PYY: variants seen among roughly 807,000 people sequenced by gnomAD.
PYY encodes peptide YY.
A neutral mutation model predicts 10.3 loss-of-function variants in PYY; 12 were observed. The observed-to-expected ratio is 1.17, with a 90% CI of 0.75 to 1.89. PYY has a LOEUF of 1.89. Among genes scored for constraint, PYY ranks in the 40% most tolerant of loss-of-function variants. The probability of loss-of-function intolerance (pLI) is 0.00; values close to 1 mark genes in which losing one functional copy is unlikely to be tolerated. For synonymous variants in PYY, 66 were observed against 62.0 expected, an observed-to-expected ratio of 1.06 and a Z score of -0.30; for missense variants, 141 against 134.0, an observed-to-expected ratio of 1.05 and a Z score of -0.26.
intron 1 of PYY, among the ~76,000 whole-genome samples, chr17:43,982,095 T>A (rs1001409442): frequency 3.3e-5 from 5 of 152,208 alleles, no homozygotes; most frequent in African/African-American, 2.4e-5. Flanking sequence ...TTCTTAGCTC[T>A]GCGCAGCTCT....
At chr17:44,000,534 C>T (rs376726601) in intron 1 of PYY, among the ~76,000 whole-genome samples, 2 of 149,760 alleles carry the variant, frequency 1.3e-5, no homozygotes, top group South Asian at 2.1e-4. Flanking sequence ...ATGACACAGT[C>T]GCTGAGAATG....
chr17:43,992,379 G>A (rs995827899), intron 1 of PYY, among the ~76,000 whole-genome samples: 1 of 151,994 alleles, frequency 6.6e-6, no homozygotes, highest in Non-Finnish European at 1.5e-5. Flanking sequence ...TCAGGAGCTC[G>A]AGACCAGCTT....
At chr17:43,992,125 A>G (rs1370451445) in intron 1 of PYY, among the ~76,000 whole-genome samples, 4 of 150,508 alleles carry the variant, frequency 2.7e-5, no homozygotes, top group African/African-American at 9.8e-5. Flanking sequence ...GTCTCAAAGA[A>G]AAAAAAAAAA....
chr17:43,999,210 G>A (rs533543826), intron 1 of PYY, among the ~76,000 whole-genome samples: 3 of 152,090 alleles, frequency 2.0e-5, no homozygotes, highest in Admixed American at 6.5e-5. Context: ...GGAGGGCTGA[G>A]AATTGACCCT....
Position 43,991,079 on chromosome 17 carries a change from G to A in PYY, c.-463+13312C>T, listed in dbSNP as rs376219672. On this transcript the variant is annotated intron_variant, in intron 1 of 6. Coordinates refer to the PYY transcript ENST00000360085. ...ATTACAAGCGTGAGCCACCGCGCCC[G>A]GCCTAGGATTTAATGTTATGCGGGA... Among the ~76,000 whole-genome samples, 3 of 151,110 alleles carry A rather than the reference G, an allele frequency of 2.0e-5. No homozygotes were observed. The East Asian group carries it at 6.0e-4, about 30-fold the overall frequency.
chr17:43,988,981 T>C (rs918855952), intron 1 of PYY, among the ~76,000 whole-genome samples: 3 of 151,896 alleles, frequency 2.0e-5, no homozygotes, highest in Non-Finnish European at 4.4e-5. Flanking sequence ...AGGCTGGTCT[T>C]GAACTCCTGA....
Position 43,987,286 on chromosome 17 carries a change from C to G in PYY, c.-463+17105G>C, listed in dbSNP as rs1009507333. ...CTCTCTGACTTAATTACTTCTCCTC[C>G]TGGCTGTAATGAATGTTTCTGAGCC... On this transcript the variant is annotated intron_variant, in intron 1 of 6. Transcript: ENST00000360085. This position sits in a 1 kb window ranked among gnomAD's most constrained non-coding sequence, Gnocchi z 4.0. Among the ~76,000 whole-genome samples, 1 of 152,194 alleles carries G rather than the reference C, an allele frequency of 6.6e-6. No individual in the cohort carries two copies. Among genetic ancestry groups the G allele is most frequent in the African/African-American group, 2.4e-5 (1 of 41,454 alleles).
At chr17:43,963,048 C>T (rs1597845184) in intron 2 of PYY, among the ~76,000 whole-genome samples, 1 of 152,142 alleles carries the variant, frequency 6.6e-6, no homozygotes, top group South Asian at 2.1e-4. Context: ...AGACCAAAGC[C>T]ACCGTCATTT....
At chr17:43,957,950 C>CA (rs1372753070), upstream of PYY, 1 of 154,554 alleles carries the variant, frequency 6.5e-6, no homozygotes, top group Non-Finnish European at 1.5e-5. Flanking sequence ...GAAGCTTCTG[C>CA]AAAACACAGT....
chr17:43,962,939 C>T (rs1436615779), intron 2 of PYY, among the ~76,000 whole-genome samples: 2 of 151,902 alleles, frequency 1.3e-5, no homozygotes, highest in Non-Finnish European at 2.9e-5. Flanking sequence ...AGATAAGCCA[C>T]TAAGAGCAGG....
Position 43,970,107 on chromosome 17 carries a change from G to T in PYY, c.-462-3575C>A, listed in dbSNP as rs535515693. ...TCTCAGCTACTGGGGAGGCTGAAGT[G>T]GGGGAATCGCTTAAACCCAGGAGTG... On this transcript the variant is annotated intron_variant, in intron 1 of 6. Transcript: ENST00000360085. Among the ~76,000 whole-genome samples the T allele has an allele frequency of 4.6e-5, 7 of 151,078 alleles. No homozygotes were observed. The Admixed American group carries it at 4.6e-4, about 10-fold the overall frequency.
intron 1 of PYY, among the ~76,000 whole-genome samples, chr17:43,993,576 A>G (rs978878260): frequency 6.6e-6 from 1 of 151,938 alleles, no homozygotes; most frequent in African/African-American, 2.4e-5. Context: ...CAATGAGCTG[A>G]TATCGTGCCA....
chr17:43,972,665 C>A (rs2341374), intron 1 of PYY, among the ~76,000 whole-genome samples: 149,787 of 152,208 alleles, frequency 0.98, 73,741 homozygotes, highest in Middle Eastern at 1. Context: ...AGTTGCTAGG[C>A]AAACAGGCAT....
intron 1 of PYY, among the ~76,000 whole-genome samples, chr17:43,990,222 G>A (rs1393896937): frequency 6.6e-6 from 1 of 151,756 alleles, no homozygotes; most frequent in Admixed American, 6.6e-5. Context: ...CAGATCACTT[G>A]AGGTCAGGAG....
intron 1 of PYY, among the ~76,000 whole-genome samples, chr17:44,000,565 C>T (rs967009143): frequency 1.9e-5 from 2 of 103,758 alleles, no homozygotes; most frequent in Non-Finnish European, 3.7e-5. Flanking sequence ...CCTAAGTGTG[C>T]ACTTTTTTTT....
chr17:43,978,251 A>G (rs569132125), intron 1 of PYY, among the ~76,000 whole-genome samples: 54 of 150,748 alleles, frequency 3.6e-4, no homozygotes, highest in African/African-American at 1.3e-3. Context: ...GAAAGAAGGA[A>G]AGAAAGAGAA....
At chr17:43,971,156 T>A (rs1372892498) in intron 1 of PYY, among the ~76,000 whole-genome samples, 1 of 152,206 alleles carries the variant, frequency 6.6e-6, no homozygotes, top group Non-Finnish European at 1.5e-5. Flanking sequence ...CCATTTTGCA[T>A]TCCCACCATC....
intron 2 of PYY, among the ~76,000 whole-genome samples, chr17:43,959,450 CA>C (rs1474642865): frequency 3.3e-5 from 5 of 152,300 alleles, no homozygotes; most frequent in African/African-American, 1.2e-4. Context: ...TTTGGGAGAC[CA>C]AGGCGGGCGG....
At chr17:43,997,232 G>A (rs1479755382) in intron 1 of PYY, among the ~76,000 whole-genome samples, 1 of 151,932 alleles carries the variant, frequency 6.6e-6, no homozygotes, top group Non-Finnish European at 1.5e-5. Context: ...GTAGAGACAG[G>A]ATTTCACCAT....
Sources: allele counts gnomAD v4.1 joint callset (sites outside exome capture counted in the v4.1 genomes callset), GRCh38; gene constraint gnomAD v4.1.1; non-coding constraint Gnocchi (gnomAD v3.1); transcripts MANE v1.5; gene names NCBI Gene and HGNC (gene_info 2026-07-23, HGNC 2026-07-21).